Variants in HPCAL1 observed in about 807,000 individuals in gnomAD.
HPCAL1 encodes hippocalcin-like protein 1.
A neutral mutation model predicts 17.1 loss-of-function variants in HPCAL1; 8 were observed. That is an observed-to-expected ratio of 0.47 (90% confidence interval 0.27 to 0.84). The LOEUF is 0.84. Among genes scored for constraint, HPCAL1 ranks in the 40% least tolerant of loss-of-function variants. HPCAL1 has a pLI of 0.13. For synonymous variants in HPCAL1, 112 were observed against 111.4 expected, an observed-to-expected ratio of 1.01 and a Z score of -0.03; for missense variants, 165 against 271.1, an observed-to-expected ratio of 0.61 and a Z score of 2.75.
chr2:10,405,252 C>T (rs6742352), intron 2 of HPCAL1, among the ~76,000 whole-genome samples: 152,132 of 152,352 alleles, frequency 1, 75,957 homozygotes, highest in East Asian at 1. Context: ...CCCTCATATA[C>T]ACACCCTCAT....
At chr2:10,305,269 C>G (rs997015807) in intron 1 of HPCAL1, among the ~76,000 whole-genome samples, 1 of 152,104 alleles carries the variant, frequency 6.6e-6, no homozygotes, top group Non-Finnish European at 1.5e-5. Context: ...GCTCAGAAGA[C>G]AGACCCAAAC....
intron 1 of HPCAL1, among the ~76,000 whole-genome samples, chr2:10,307,980 T>C (rs1180319219): frequency 2.0e-5 from 3 of 152,168 alleles, no homozygotes; most frequent in African/African-American, 7.2e-5. Context: ...TCTGAGAAGG[T>C]TGGGCCCAGG....
chr2:10,357,059 G>A (rs1189429881), intron 1 of HPCAL1, among the ~76,000 whole-genome samples: 2 of 152,186 alleles, frequency 1.3e-5, no homozygotes, highest in Non-Finnish European at 2.9e-5. Flanking sequence ...GCTGCAGTGA[G>A]CTATGATTGC....
chr2:10,308,105 A>G (rs1017491618), intron 1 of HPCAL1, among the ~76,000 whole-genome samples: 10 of 152,124 alleles, frequency 6.6e-5, no homozygotes, highest in South Asian at 2.1e-4. Flanking sequence ...CTACCCCAGT[A>G]TAGGGGGCTC....
At chr2:10,391,286 T>A (rs1245763038) in intron 1 of HPCAL1, among the ~76,000 whole-genome samples, 2 of 152,044 alleles carry the variant, frequency 1.3e-5, no homozygotes, top group African/African-American at 4.8e-5. Flanking sequence ...CTGTAAGGGG[T>A]GACAAGCACT....
chr2:10,387,492 A>G (rs902932699), intron 1 of HPCAL1, among the ~76,000 whole-genome samples: 19 of 152,220 alleles, frequency 1.2e-4, no homozygotes, highest in African/African-American at 3.6e-4. Context: ...AGGTGGGCAC[A>G]GGGACAACCT....
intron 1 of HPCAL1, among the ~76,000 whole-genome samples, chr2:10,360,834 C>G (rs1169378908): frequency 6.6e-6 from 1 of 151,868 alleles, no homozygotes. Flanking sequence ...CTCTTCTCCT[C>G]TCTTGTCTCT....
intron 2 of HPCAL1, among the ~76,000 whole-genome samples, chr2:10,409,868 C>A (rs932018438): frequency 2.8e-5 from 4 of 142,316 alleles, no homozygotes; most frequent in Non-Finnish European, 1.5e-5. Context: ...CAGCTCACTG[C>A]AACCTCCACC....
intron 1 of HPCAL1, among the ~76,000 whole-genome samples, chr2:10,379,632 C>T (rs890862871): frequency 2.0e-5 from 3 of 152,106 alleles, no homozygotes; most frequent in Non-Finnish European, 4.4e-5. Context: ...GCCAGCAGTT[C>T]CCCCATCTGC....
intron 1 of HPCAL1, among the ~76,000 whole-genome samples, chr2:10,340,787 C>T (rs1017271111): frequency 5.9e-5 from 9 of 152,198 alleles, no homozygotes; most frequent in Admixed American, 4.6e-4. Context: ...TATCCCTGCC[C>T]TTCCAGCCAG....
chr2:10,333,238 G>C (rs1664499900), intron 1 of HPCAL1, among the ~76,000 whole-genome samples: 1 of 152,342 alleles, frequency 6.6e-6, no homozygotes, highest in African/African-American at 2.4e-5. Context: ...AGAGACTCGG[G>C]AAATTACCAA....
rs983881536 is a variant in HPCAL1 at position 10,394,225 on chromosome 2, C to T, written c.-110-2610C>T. On this transcript the variant is annotated intron_variant, in intron 1 of 4. Transcript: ENST00000307845. This position sits in a 1 kb window ranked among gnomAD's most constrained non-coding sequence, Gnocchi z 5.0. ...TTGGGCGCCCCACACCCCATTTAGC[C>T]GAGTGTCACCTGAGCTGGTGTCCCG... is the stretch of plus-strand genomic sequence containing the variant. Among the ~76,000 whole-genome samples the T allele has an allele frequency of 1.3e-5, 2 of 152,122 alleles. No homozygotes were observed. The highest frequency in any genetic ancestry group is 6.6e-5 in the Admixed American group (1 of 15,258).
At chr2:10,372,965 AT>A (rs1161396903) in intron 1 of HPCAL1, among the ~76,000 whole-genome samples, 2 of 152,164 alleles carry the variant, frequency 1.3e-5, no homozygotes, top group Non-Finnish European at 2.9e-5. Context: ...AGAAGGAGGG[AT>A]CAGCCCTACA....
chr2:10,342,919 A>G lies in HPCAL1; in HGVS notation c.-111+39742A>G, dbSNP rs1665187591. Among the ~76,000 whole-genome samples the G allele has an allele frequency of 6.6e-6, 1 of 152,158 alleles. No homozygotes were observed. The highest frequency in any genetic ancestry group is 2.4e-5 in the African/African-American group (1 of 41,506). ...CTGCCTTCCCCCGGCCCCTTTTTGG[A>G]CAGGATGTTGCTCCCTGGGGCCTGG... is the stretch of plus-strand genomic sequence containing the variant. On this transcript the variant is annotated intron_variant, in intron 1 of 4. Coordinates refer to ENST00000307845, the MANE Select transcript of HPCAL1 (RefSeq NM_002149.4). The surrounding 1 kb of genome is among the most constrained non-coding windows in gnomAD (Gnocchi z 4.1).
Position 10,365,592 on chromosome 2 carries a change from T to A in HPCAL1, c.-110-31243T>A, listed in dbSNP as rs756108262. On this transcript the variant is annotated intron_variant, in intron 1 of 4. Coordinates refer to ENST00000307845, the MANE Select transcript of HPCAL1 (RefSeq NM_002149.4). This position sits in a 1 kb window ranked among gnomAD's most constrained non-coding sequence, Gnocchi z 4.8. ...TTCCCCTTCAGCCCTGGCGTTATGATGTCCCGCCCAACCCCCGACCGCACA... is the reference window on the plus strand; with the variant it reads ...TTCCCCTTCAGCCCTGGCGTTATGAAGTCCCGCCCAACCCCCGACCGCACA... Among the ~76,000 whole-genome samples the A allele has an allele frequency of 6.6e-6, 1 of 152,052 alleles. No homozygotes were observed. The highest frequency in any genetic ancestry group is 1.5e-5 in the Non-Finnish European group (1 of 68,000).
At chr2:10,326,588 C>T (rs752070493) in intron 1 of HPCAL1, among the ~76,000 whole-genome samples, 13 of 152,212 alleles carry the variant, frequency 8.5e-5, no homozygotes, top group Non-Finnish European at 1.5e-4. Flanking sequence ...TGAGGCTGCC[C>T]TGCACCAGCC....
chr2:10,385,526 T>A (rs1668248813), intron 1 of HPCAL1, among the ~76,000 whole-genome samples: 1 of 152,168 alleles, frequency 6.6e-6, no homozygotes, highest in Non-Finnish European at 1.5e-5. Context: ...GCTGTGATTT[T>A]TTCATCCAAT....
At chr2:10,426,358 G>A (rs1671406989) in intron 4 of HPCAL1, 2 of 211,236 alleles carry the variant, frequency 9.5e-6, no homozygotes, top group South Asian at 1.5e-4. Flanking sequence ...GGCCTTCTCA[G>A]CCTGGATTCT....
At chr2:10,417,585 C>T (rs375753531) in intron 2 of HPCAL1, among the ~76,000 whole-genome samples, 2 of 152,120 alleles carry the variant, frequency 1.3e-5, no homozygotes, top group African/African-American at 4.8e-5. Flanking sequence ...CTTATGAGTA[C>T]GTAAGATGGG....
Sources: gnomAD v4.1 joint callset for allele counts (sites outside exome capture counted in the v4.1 genomes callset) on GRCh38, gnomAD v4.1.1 for gene constraint, Gnocchi (gnomAD v3.1) non-coding constraint, MANE v1.5 for transcripts, NCBI Gene and HGNC (gene_info 2026-07-23, HGNC 2026-07-21) for gene names.